Variants in FYTTD1 observed in about 807,000 individuals in gnomAD.
FYTTD1 encodes UAP56-interacting factor.
FYTTD1 carries 22 observed loss-of-function variants against 40.9 expected under a neutral mutation model. The observed-to-expected ratio is 0.54, with a 90% confidence interval of 0.38 to 0.77. The LOEUF (loss-of-function observed/expected upper bound fraction) is 0.77. Ranked by LOEUF, FYTTD1 falls within the 30% of genes least tolerant of loss-of-function variation. The pLI, the probability that FYTTD1 is intolerant of heterozygous loss-of-function variation, is 0.00. For synonymous variants in FYTTD1, 140 were observed against 137.9 expected, an observed-to-expected ratio of 1.01 and a Z score of -0.10; for missense variants, 351 against 392.2, an observed-to-expected ratio of 0.90 and a Z score of 0.89.
chr3:197,752,349 GT>G (rs1346604657), intron 1 of FYTTD1, among the ~76,000 whole-genome samples: 2 of 152,202 alleles, frequency 1.3e-5, no homozygotes, highest in East Asian at 3.8e-4. Flanking sequence ...GTGACAGTAA[GT>G]AGTGTTTACC....
At chr3:197,757,795 TA>T (rs1179870741) in intron 2 of FYTTD1, among the ~76,000 whole-genome samples, 1 of 152,210 alleles carries the variant, frequency 6.6e-6, no homozygotes, top group Non-Finnish European at 1.5e-5. Context: ...ATTGGGCCCT[TA>T]AAAAAAATTA....
intron 2 of FYTTD1, among the ~76,000 whole-genome samples, chr3:197,757,999 G>T (rs1209947463): frequency 6.6e-6 from 1 of 152,220 alleles, no homozygotes; most frequent in East Asian, 1.9e-4. Flanking sequence ...TGCCTCCCGG[G>T]TTCAAGCGAT....
chr3:197,771,188 T>C (rs1293316081), intron 4 of FYTTD1, among the ~76,000 whole-genome samples: 1 of 152,112 alleles, frequency 6.6e-6, no homozygotes, highest in Non-Finnish European at 1.5e-5. Flanking sequence ...GAGACCCCCA[T>C]CTCTGAAAAA....
rs1729463049 is a variant in FYTTD1, at chr3:197,763,862, G to A, written c.236-4577G>A. Among the ~76,000 whole-genome samples, 3 of 152,166 alleles carry A rather than the reference G, an allele frequency of 2.0e-5. No individual in the cohort carries two copies. In the South Asian group the frequency reaches 6.2e-4, roughly 32 times the overall value. On this transcript the variant is annotated intron_variant, in intron 2 of 8. Coordinates refer to ENST00000241502, the MANE Select transcript of FYTTD1 (RefSeq NM_032288.7). ...GAAATTCATGAATAGATTAGTCTTG[G>A]GATTCAAGAGAAAGATGAAAATGTC...
In FYTTD1 at chr3:197,783,803, AC is replaced by A. The variant is rs1730090301; in HGVS notation, c.*1896del. On this transcript the variant is annotated 3_prime_UTR_variant, in exon 9 of 9. Coordinates refer to ENST00000241502, the MANE Select transcript of FYTTD1 (RefSeq NM_032288.7). Reference sequence around the variant, plus strand: ...AAGGTGTTTTCATTTTCCTGTTCTTACCTATTATTGTATAGAGCTATTCATG... The same window carrying A: ...AAGGTGTTTTCATTTTCCTGTTCTTACTATTATTGTATAGAGCTATTCATG... 6.6e-6 allele frequency: 1 copy of A among 152,492 alleles called. No individual in the cohort carries two copies. Among genetic ancestry groups the A allele is most frequent in the Non-Finnish European group, 1.5e-5 (1 of 68,028 alleles). The allele number at this position is 152,492 out of a possible 1,614,324, so 9.4% of individuals were successfully genotyped here. A position where few individuals can be genotyped will look rare whatever the true frequency, so the allele number is the denominator to read the frequency against.
rs1482720891 is a variant in FYTTD1 at position 197,784,409 on chromosome 3, A to G, written c.*2500A>G. The G allele has an allele frequency of 1.3e-5, 2 of 152,214 alleles. No homozygotes were observed. Among genetic ancestry groups the G allele is most frequent in the Non-Finnish European group, 2.9e-5 (2 of 68,032 alleles). 9.4% of individuals were successfully genotyped at this position (152,214 alleles called of 1,614,324 possible). A position where few individuals can be genotyped will look rare whatever the true frequency, so the allele number is the denominator to read the frequency against. ...GTTTTTAGGGTGTGAAACCTTATCT[A>G]CTAGCAAAATTGGTAAATCACTGTA... On this transcript the variant is annotated 3_prime_UTR_variant, in exon 9 of 9. Coordinates refer to ENST00000241502, the MANE Select transcript of FYTTD1 (RefSeq NM_032288.7).
chr3:197,757,936 T>C (rs544834289), intron 2 of FYTTD1, among the ~76,000 whole-genome samples: 14 of 152,392 alleles, frequency 9.2e-5, no homozygotes, highest in Middle Eastern at 6.8e-3. Flanking sequence ...GGAGTTTTGC[T>C]CTTGTTGCCC....
chr3:197,781,929 T>G lies in FYTTD1; in HGVS notation c.*20T>G. 1.4e-6 allele frequency: 2 copies of G among 1,475,626 alleles called. No homozygotes were observed. Among genetic ancestry groups the G allele is most frequent in the Non-Finnish European group, 1.9e-6 (2 of 1,078,122 alleles). 91.4% of individuals were successfully genotyped at this position (1,475,626 alleles called of 1,614,324 possible). A position where few individuals can be genotyped will look rare whatever the true frequency, so the allele number is the denominator to read the frequency against. On this transcript the variant is annotated 3_prime_UTR_variant, in exon 9 of 9. Coordinates refer to ENST00000241502, the MANE Select transcript of FYTTD1 (RefSeq NM_032288.7). The stretch of plus-strand genomic sequence containing the variant: ...GGATAGGTCCCATGTCAAAGGAACT[T>G]TTGAGTGATGACTCTGAGAAGTTGA...
chr3:197,752,351 A>T (rs1729084764), intron 1 of FYTTD1, among the ~76,000 whole-genome samples: 1 of 152,218 alleles, frequency 6.6e-6, no homozygotes, highest in South Asian at 2.1e-4. Context: ...GACAGTAAGT[A>T]GTGTTTACCA....
chr3:197,752,239 G>A (rs60224134), intron 1 of FYTTD1, among the ~76,000 whole-genome samples: 4,022 of 151,442 alleles, frequency 0.027, 143 homozygotes, highest in African/African-American at 0.091. Context: ...TGACAGCATG[G>A]AATCCAGATC....
At position 197,784,785 on chromosome 3, in the gene FYTTD1, T is replaced by G. The variant is rs1730119000; in HGVS notation, c.*2876T>G. On this transcript the variant is annotated 3_prime_UTR_variant, in exon 9 of 9. Coordinates refer to ENST00000241502, the MANE Select transcript of FYTTD1 (RefSeq NM_032288.7). ...CAGCCTGGGTGACAGAGTGACACTC[T>G]GTCTTAAAAAAACAAAAAAAAAGAA... 6.6e-6 allele frequency: 1 copy of G among 152,070 alleles called. No individual in the cohort carries two copies. Among genetic ancestry groups the G allele is most frequent in the Admixed American group, 6.5e-5 (1 of 15,270 alleles). The allele number at this position is 152,070 out of a possible 1,614,324, so 9.4% of individuals were successfully genotyped here.
At chr3:197,770,035 T>C (rs1729670470) in intron 3 of FYTTD1, 97 bp from the exon 4 acceptor site, 2 of 712,928 alleles carry the variant, frequency 2.8e-6, no homozygotes, top group African/African-American at 3.6e-5. Context: ...ATTCAAGCAG[T>C]TGTCAATCCT....
At chr3:197,762,732 A>G (rs1403142047) in intron 2 of FYTTD1, among the ~76,000 whole-genome samples, 1 of 151,454 alleles carries the variant, frequency 6.6e-6, no homozygotes, top group Non-Finnish European at 1.5e-5. Context: ...AATACAAAAA[A>G]TTAGCTGGGC....
chr3:197,777,555 G>A (rs1729911084), intron 7 of FYTTD1, among the ~76,000 whole-genome samples: 1 of 152,058 alleles, frequency 6.6e-6, no homozygotes, highest in Non-Finnish European at 1.5e-5. Context: ...ATATATTTTT[G>A]TGTACAATAA....
chr3:197,761,086 A>G (rs1452655974), intron 2 of FYTTD1, among the ~76,000 whole-genome samples: 1 of 151,242 alleles, frequency 6.6e-6, no homozygotes, highest in Non-Finnish European at 1.5e-5. Context: ...TAGAATGTAT[A>G]GAGTTGTTCT....
chr3:197,750,319 C>G (rs1043506292), intron 1 of FYTTD1: 25 of 1,128,354 alleles, frequency 2.2e-5, no homozygotes, highest in Admixed American at 4.6e-5. Flanking sequence ...GCTGTGGAGG[C>G]GGGGGCAGGG....
Position 197,785,508 on chromosome 3 carries a change from T to A in FYTTD1, c.*3599T>A, listed in dbSNP as rs888490426. The stretch of plus-strand genomic sequence containing the variant: ...GCTCAGCAGTGAGTTTTTATTAGAC[T>A]AGGTATGTATATCATTATTAATATT... On this transcript the variant is annotated 3_prime_UTR_variant, in exon 9 of 9. Transcript: ENST00000241502. 1 of 152,178 alleles carries A rather than the reference T, an allele frequency of 6.6e-6. No individual in the cohort carries two copies. Among genetic ancestry groups the A allele is most frequent in the Non-Finnish European group, 1.5e-5 (1 of 68,046 alleles). 9.4% of individuals were successfully genotyped at this position (152,178 alleles called of 1,614,324 possible).
chr3:197,778,351 C>T lies in FYTTD1; in HGVS notation c.745C>T (p.Arg249Ter), dbSNP rs1729933044. ...TTTTTCTAATAGAACTCAGAAACCACGATTAACTCGTACTGCTGTACCTTC... is the reference window on the plus strand; with the variant it reads ...TTTTTCTAATAGAACTCAGAAACCATGATTAACTCGTACTGCTGTACCTTC... ...AVQCPVTQKP[R>*]LTRTAVPSFL... is the part of the protein sequence containing the mutation. Residue 249 changes from arginine to a stop codon, truncating the protein, a stop_gained, in exon 8 of 9, where the codon CGA (arginine) becomes TGA (stop). Transcript: ENST00000241502. LOFTEE classifies it high-confidence loss of function. 5 of 1,600,090 alleles carry T rather than the reference C, an allele frequency of 3.1e-6. No homozygotes were observed. Among genetic ancestry groups the T allele is most frequent in the African/African-American group, 1.3e-5 (1 of 74,314 alleles).
chr3:197,778,360 C>T lies in FYTTD1; in HGVS notation c.754C>T (p.Arg252Cys), dbSNP rs768238240. Residue 252 changes from arginine (R) to cysteine (C), a missense_variant, in exon 8 of 9, where the codon CGT becomes TGT. Arg to Cys is a radical substitution (Grantham distance 180, BLOSUM62 -3). Transcript: ENST00000241502. ...TAGAACTCAGAAACCACGATTAACT[C>T]GTACTGCTGTACCTTCATTTTTAAC... is the stretch of plus-strand genomic sequence containing the variant. Reference protein sequence around the residue: ...CPVTQKPRLTRTAVPSFLTKR... With the variant: ...CPVTQKPRLTCTAVPSFLTKR... 76 of 1,605,834 alleles carry T rather than the reference C, an allele frequency of 4.7e-5. No homozygotes were observed. The Admixed American group carries it at 8.7e-4, about 18-fold the overall frequency.
Sources: gnomAD v4.1 joint callset for allele counts (sites outside exome capture counted in the v4.1 genomes callset) on GRCh38, gnomAD v4.1.1 for gene constraint, MANE v1.5 for transcripts, NCBI Gene and HGNC (gene_info 2026-07-23, HGNC 2026-07-21) for gene names.